Variants in OR1J2 observed in about 807,000 individuals in gnomAD.
OR1J2 encodes olfactory receptor 1J2.
For synonymous variants in OR1J2, 142 were observed against 99.7 expected, an observed-to-expected ratio of 1.42 and a Z score of -2.52; for missense variants, 304 against 246.1, an observed-to-expected ratio of 1.24 and a Z score of -1.57.
chr9:122,483,035 A>C, the OR1J2 span, among the ~76,000 whole-genome samples: 61 of 152,274 alleles, frequency 4.0e-4, 1 homozygote, highest in Non-Finnish European at 1.9e-4. Context: ...AAGAAATGAT[A>C]AATGAATGAG....
upstream of OR1J2, among the ~76,000 whole-genome samples, chr9:122,507,804 C>T (rs1478463549): frequency 6.6e-6 from 1 of 152,092 alleles, no homozygotes; most frequent in Non-Finnish European, 1.5e-5. Context: ...GGTAGATTTG[C>T]ATTTTGTCTT....
At chr9:122,544,417 T>A in the OR1J2 span, among the ~76,000 whole-genome samples, 1 of 27,718 alleles carries the variant, frequency 3.6e-5, no homozygotes, top group African/African-American at 3.8e-4. Flanking sequence ...TCTTTTTTCT[T>A]TTTTTTTTTT....
the OR1J2 span, among the ~76,000 whole-genome samples, chr9:122,537,853 G>C: frequency 6.6e-6 from 1 of 152,302 alleles, no homozygotes; most frequent in South Asian, 2.1e-4. Context: ...CAGCAGAGAA[G>C]GGTCCTGGAA....
At chr9:122,460,077 G>C in the OR1J2 span, among the ~76,000 whole-genome samples, 1 of 151,944 alleles carries the variant, frequency 6.6e-6, no homozygotes, top group East Asian at 1.9e-4. Flanking sequence ...ACTTCAGTTA[G>C]AATAATGATC....
At chr9:122,556,967 G>A in the OR1J2 span, among the ~76,000 whole-genome samples, 1 of 151,980 alleles carries the variant, frequency 6.6e-6, no homozygotes, top group Non-Finnish European at 1.5e-5. Context: ...CTTGTATATA[G>A]ATTTATATCT....
the OR1J2 span, among the ~76,000 whole-genome samples, chr9:122,449,184 C>T: frequency 6.6e-6 from 1 of 152,060 alleles, no homozygotes; most frequent in South Asian, 2.1e-4. Flanking sequence ...TGCACTGCAA[C>T]AGCACCGTGG....
chr9:122,467,663 T>C, the OR1J2 span, among the ~76,000 whole-genome samples: 2 of 152,206 alleles, frequency 1.3e-5, no homozygotes, highest in Admixed American at 6.5e-5. Context: ...CAGATGGCAC[T>C]GCAAGGTATT....
At chr9:122,509,636 C>G (rs141265993), upstream of OR1J2, among the ~76,000 whole-genome samples, 1 of 152,198 alleles carries the variant, frequency 6.6e-6, no homozygotes, top group East Asian at 1.9e-4. Flanking sequence ...ATGTGCCTTC[C>G]CACAAGGTTG....
the OR1J2 span, among the ~76,000 whole-genome samples, chr9:122,478,160 C>T: frequency 6.6e-6 from 1 of 152,184 alleles, no homozygotes; most frequent in Non-Finnish European, 1.5e-5. Context: ...AATGATAGTA[C>T]TAAAAGTTGT....
the OR1J2 span, among the ~76,000 whole-genome samples, chr9:122,556,305 T>C: frequency 1.3e-5 from 2 of 151,940 alleles, no homozygotes. Flanking sequence ...CATGTGGATG[T>C]CTAGTTGTTT....
chr9:122,494,464 TC>T, the OR1J2 span, among the ~76,000 whole-genome samples: 1 of 152,180 alleles, frequency 6.6e-6, no homozygotes, highest in Non-Finnish European at 1.5e-5. Context: ...AACTGCTGTT[TC>T]TTTAAAGTTT....
At chr9:122,528,454 C>T in the OR1J2 span, among the ~76,000 whole-genome samples, 5 of 151,984 alleles carry the variant, frequency 3.3e-5, no homozygotes, top group Admixed American at 1.3e-4. Flanking sequence ...AAAAATTAGC[C>T]GGGTGTGGTG....
the OR1J2 span, among the ~76,000 whole-genome samples, chr9:122,533,036 C>T: frequency 4.5e-3 from 686 of 152,156 alleles, 6 homozygotes; most frequent in African/African-American, 0.016. Context: ...ATTTGCTGAG[C>T]CTAATGGGTG....
the OR1J2 span, among the ~76,000 whole-genome samples, chr9:122,480,555 C>CT: frequency 7.7e-4 from 111 of 144,446 alleles, 1 homozygote; most frequent in Middle Eastern, 3.5e-3. Context: ...CCAGGTATTT[C>CT]TTTTTTTTTT....
chr9:122,564,425 A>G, the OR1J2 span, among the ~76,000 whole-genome samples: 1 of 152,204 alleles, frequency 6.6e-6, no homozygotes. Flanking sequence ...ATGATGGGAA[A>G]GGCCAAATGG....
the OR1J2 span, chr9:122,477,111 T>C: frequency 6.2e-7 from 1 of 1,613,920 alleles, no homozygotes; most frequent in South Asian, 1.1e-5. Flanking sequence ...CTGAAGCAAT[T>C]ATGTTCTTGT....
the OR1J2 span, among the ~76,000 whole-genome samples, chr9:122,543,499 G>T: frequency 6.6e-6 from 1 of 152,170 alleles, no homozygotes; most frequent in Non-Finnish European, 1.5e-5. Flanking sequence ...CACTGTGCCT[G>T]GCCCAGATGC....
the OR1J2 span, among the ~76,000 whole-genome samples, chr9:122,532,593 C>T: frequency 3.3e-5 from 4 of 122,392 alleles, no homozygotes; most frequent in South Asian, 2.8e-4. Context: ...GAAGGAGCTG[C>T]GGAGCAGACT....
the OR1J2 span, among the ~76,000 whole-genome samples, chr9:122,569,712 G>A: frequency 2.0e-4 from 31 of 151,526 alleles, no homozygotes; most frequent in African/African-American, 7.3e-4. Context: ...AAGTTTTAGG[G>A]TACATGTGCA....
Sources: gnomAD v4.1 joint callset for allele counts (sites outside exome capture counted in the v4.1 genomes callset) on GRCh38, gnomAD v4.1.1 for gene constraint, MANE v1.5 for transcripts, NCBI Gene and HGNC (gene_info 2026-07-23, HGNC 2026-07-21) for gene names.